Variants in SLC71A2 observed in about 807,000 individuals in gnomAD.
SLC71A2 encodes solute carrier family 71 member 2.
chr9:94,414,651 C>A, the SLC71A2 span, among the ~76,000 whole-genome samples: 1 of 151,998 alleles, frequency 6.6e-6, no homozygotes, highest in African/African-American at 2.4e-5. Context: ...TGGGATAGAT[C>A]GAAAGTCTAT....
the SLC71A2 span, among the ~76,000 whole-genome samples, chr9:94,391,402 A>G: frequency 1.3e-5 from 2 of 151,162 alleles, no homozygotes; most frequent in Non-Finnish European, 2.9e-5. Flanking sequence ...GATTAATGTG[A>G]GAGATGTTGA....
the SLC71A2 span, among the ~76,000 whole-genome samples, chr9:94,413,293 T>C: frequency 6.6e-6 from 1 of 152,220 alleles, no homozygotes; most frequent in African/African-American, 2.4e-5. Flanking sequence ...TAAAGTTTTG[T>C]AGCAATGCTA....
chr9:94,416,953 T>C, the SLC71A2 span, among the ~76,000 whole-genome samples: 5 of 152,198 alleles, frequency 3.3e-5, no homozygotes, highest in African/African-American at 9.7e-5. Flanking sequence ...TTTTTTCTTA[T>C]TGCAGTAGTT....
chr9:94,379,386 C>CTTTTT, the SLC71A2 span, among the ~76,000 whole-genome samples: 1 of 127,652 alleles, frequency 7.8e-6, no homozygotes, highest in Non-Finnish European at 1.6e-5. Context: ...GCGCCTGGCC[C>CTTTTT]TTTTTTTTTT....
the SLC71A2 span, among the ~76,000 whole-genome samples, chr9:94,415,646 C>G: frequency 1.3e-5 from 2 of 151,952 alleles, no homozygotes; most frequent in African/African-American, 2.4e-5. Flanking sequence ...TGAAACTGTT[C>G]CACCTCAGAC....
the SLC71A2 span, among the ~76,000 whole-genome samples, chr9:94,436,642 G>A: frequency 2.0e-5 from 3 of 152,044 alleles, 1 homozygote; most frequent in African/African-American, 7.3e-5. Context: ...GGTGCAAGAT[G>A]ATGAACTGCA....
chr9:94,438,329 T>TG, the SLC71A2 span: 1 of 1,598,180 alleles, frequency 6.3e-7, no homozygotes, highest in African/African-American at 1.3e-5. Flanking sequence ...CTAATGCATT[T>TG]AGAAAATATG....
At chr9:94,388,364 A>G in the SLC71A2 span, among the ~76,000 whole-genome samples, 1 of 151,918 alleles carries the variant, frequency 6.6e-6, no homozygotes, top group East Asian at 1.9e-4. Context: ...AATGTACACT[A>G]AAAAAAAGGC....
At chr9:94,403,078 T>C in the SLC71A2 span, among the ~76,000 whole-genome samples, 1 of 152,226 alleles carries the variant, frequency 6.6e-6, no homozygotes, top group Non-Finnish European at 1.5e-5. Flanking sequence ...ATTTAATTAC[T>C]GTAGGTACCT....
chr9:94,411,710 C>CCT, the SLC71A2 span, among the ~76,000 whole-genome samples: 1 of 152,026 alleles, frequency 6.6e-6, no homozygotes, highest in South Asian at 2.1e-4. Context: ...CCTACCTCAG[C>CCT]CTCCCTAGTA....
chr9:94,406,128 G>A, the SLC71A2 span, among the ~76,000 whole-genome samples: 1 of 118,492 alleles, frequency 8.4e-6, no homozygotes, highest in South Asian at 2.7e-4. Flanking sequence ...AGTGTAGTGG[G>A]GTGATCATAG....
chr9:94,398,808 C>T, the SLC71A2 span, among the ~76,000 whole-genome samples: 1 of 125,206 alleles, frequency 8.0e-6, no homozygotes, highest in East Asian at 2.2e-4. Flanking sequence ...CTCTTCCCCT[C>T]CCCCCCGTCG....
At chr9:94,429,569 G>C in the SLC71A2 span, among the ~76,000 whole-genome samples, 1 of 151,662 alleles carries the variant, frequency 6.6e-6, no homozygotes, top group Non-Finnish European at 1.5e-5. Context: ...GTGGGCAATT[G>C]CTACCATCAT....
At chr9:94,406,666 C>A in the SLC71A2 span, among the ~76,000 whole-genome samples, 1 of 152,210 alleles carries the variant, frequency 6.6e-6, no homozygotes, top group African/African-American at 2.4e-5. Flanking sequence ...AGCCACTGGA[C>A]TCAGCCCAAT....
At chr9:94,381,812 AT>A in the SLC71A2 span, among the ~76,000 whole-genome samples, 2 of 152,340 alleles carry the variant, frequency 1.3e-5, no homozygotes, top group East Asian at 1.9e-4. Context: ...CTTTAAAAAA[AT>A]AATAAAATAA....
the SLC71A2 span, among the ~76,000 whole-genome samples, chr9:94,389,250 T>C: frequency 6.7e-6 from 1 of 148,828 alleles, no homozygotes; most frequent in East Asian, 1.9e-4. Context: ...AATTTATGCC[T>C]TTTGTCTGCA....
chr9:94,438,404 C>T, the SLC71A2 span: 1 of 1,614,100 alleles, frequency 6.2e-7, no homozygotes, highest in South Asian at 1.1e-5. Context: ...TCTCCAGGGC[C>T]TGCTCTCTTT....
the SLC71A2 span, chr9:94,454,041 A>G: frequency 1.9e-6 from 3 of 1,613,928 alleles, no homozygotes; most frequent in East Asian, 2.2e-5. Flanking sequence ...TGCTCCAGTT[A>G]GCCTGGTACG....
chr9:94,447,202 G>A, the SLC71A2 span, among the ~76,000 whole-genome samples: 2 of 149,380 alleles, frequency 1.3e-5, no homozygotes, highest in Admixed American at 6.7e-5. Flanking sequence ...TTTTTGAGAC[G>A]GAGTTTTGCT....
Sources: allele counts gnomAD v4.1 joint callset (sites outside exome capture counted in the v4.1 genomes callset), GRCh38; gene constraint gnomAD v4.1.1; transcripts MANE v1.5; gene names NCBI Gene and HGNC (gene_info 2026-07-23, HGNC 2026-07-21).